DNAAF3: variants seen among roughly 807,000 people sequenced by gnomAD.
DNAAF3 encodes dynein axonemal assembly factor 3.
Under a neutral mutation model 50.9 loss-of-function variants are expected in DNAAF3, and 40 were observed. The observed-to-expected ratio is 0.79, with a 90% CI of 0.61 to 1.02. The LOEUF (loss-of-function observed/expected upper bound fraction) is 1.02. DNAAF3 is among the 50% of genes least tolerant of loss of function. The pLI, the probability that DNAAF3 is intolerant of heterozygous loss-of-function variation, is 0.00. For missense variants in DNAAF3, 763 were observed against 744.7 expected, an observed-to-expected ratio of 1.02 and a Z score of -0.29; for synonymous variants, 327 against 322.8, an observed-to-expected ratio of 1.01 and a Z score of -0.14.
chr19:55,161,958 C>T lies in DNAAF3; in HGVS notation c.481-133G>A. ...CGTTTCTCGGATGGAAAAACTGAGGCTCCGAAAGCAGAAGCCACCTCCTGC... is the reference window on the plus strand; with the variant it reads ...CGTTTCTCGGATGGAAAAACTGAGGTTCCGAAAGCAGAAGCCACCTCCTGC... On this transcript the variant is annotated intron_variant, in intron 5 of 11. Coordinates refer to ENST00000524407, the MANE Select transcript of DNAAF3 (RefSeq NM_001256715.2). The surrounding 1 kb of genome is among the most constrained non-coding windows in gnomAD (Gnocchi z 6.4). The T allele has an allele frequency of 7.4e-7, 1 of 1,360,438 alleles. No homozygotes were observed. Among genetic ancestry groups the T allele is most frequent in the South Asian group, 1.7e-5 (1 of 59,998 alleles). The allele number at this position is 1,360,438 out of a possible 1,614,324, so 84.3% of individuals were successfully genotyped here.
intron 4 of DNAAF3, among the ~76,000 whole-genome samples, chr19:55,164,976 T>C (rs1358501633): frequency 6.6e-6 from 1 of 151,270 alleles, no homozygotes; most frequent in East Asian, 1.9e-4. Context: ...GGTACCACAC[T>C]GGAAAATACC....
rs1455195220 is a variant in DNAAF3 at position 55,160,899 on chromosome 19, G to T, written c.913-124C>A. The T allele has an allele frequency of 2.7e-6, 4 of 1,463,912 alleles. No homozygotes were observed. In the African/African-American group the frequency reaches 5.7e-5, roughly 21 times the overall value. 90.7% of individuals were successfully genotyped at this position (1,463,912 alleles called of 1,614,324 possible). ...CTGCTTGGAGGATGTGAAGTGGGGC[G>T]GGACCTATCCCGCGGGGATGGGGCC... On this transcript the variant is annotated intron_variant, in intron 8 of 11. Transcript: ENST00000524407. This position sits in a 1 kb window ranked among gnomAD's most constrained non-coding sequence, Gnocchi z 4.7.
rs527736613 is a variant in DNAAF3 at position 55,164,388 on chromosome 19, A to G, written c.322+982T>C. 2.0e-5 allele frequency among the ~76,000 whole-genome samples: 3 copies of G among 152,304 alleles called. No individual in the cohort carries two copies. In the South Asian group the frequency reaches 6.2e-4, roughly 32 times the overall value. Reference sequence around the variant, plus strand: ...TCCCAGCTACTTGGGAGACTGAGGCAGGAGAATTGCTTGAATCCAGGAGGC... The same window carrying G: ...TCCCAGCTACTTGGGAGACTGAGGCGGGAGAATTGCTTGAATCCAGGAGGC... On this transcript the variant is annotated intron_variant, in intron 4 of 11. Transcript: ENST00000524407.
At position 55,161,931 on chromosome 19, in the gene DNAAF3, C is replaced by T; in HGVS notation, c.481-106G>A. ...CATCCCAGAACAGGGGAACGATTCC[C>T]CCGTTTCTCGGATGGAAAAACTGAG... On this transcript the variant is annotated intron_variant, in intron 5 of 11. Coordinates refer to ENST00000524407, the MANE Select transcript of DNAAF3 (RefSeq NM_001256715.2). This position sits in a 1 kb window ranked among gnomAD's most constrained non-coding sequence, Gnocchi z 6.4. 1.5e-6 allele frequency: 2 copies of T among 1,352,490 alleles called. No individual in the cohort carries two copies. The highest frequency in any genetic ancestry group is 1.9e-6 in the Non-Finnish European group (2 of 1,053,192). The allele number at this position is 1,352,490 out of a possible 1,614,324, so 83.8% of individuals were successfully genotyped here.
Position 55,159,611 on chromosome 19 carries a change from C to T in DNAAF3, c.1164-4G>A. 1 of 1,612,558 alleles carries T rather than the reference C, an allele frequency of 6.2e-7. No individual in the cohort carries two copies. Among genetic ancestry groups the T allele is most frequent in the Non-Finnish European group, 8.5e-7 (1 of 1,179,386 alleles). On this transcript the variant is annotated splice_polypyrimidine_tract_variant and splice_region_variant and intron_variant, in intron 10 of 11. Coordinates refer to ENST00000524407, the MANE Select transcript of DNAAF3 (RefSeq NM_001256715.2). ...AGGGATGAGAAGATGGACCATACTGCAGAGAGGACGGAGGACAGGCTGAGA... is the reference window on the plus strand; with the variant it reads ...AGGGATGAGAAGATGGACCATACTGTAGAGAGGACGGAGGACAGGCTGAGA...
At position 55,161,175 on chromosome 19, in the gene DNAAF3, C is replaced by T. The variant is rs1187676815; in HGVS notation, c.802G>A (p.Val268Met). The change falls in exon 8 of 12, where the codon GTG (valine) becomes ATG (methionine). Residue 268 changes from valine to methionine, a missense_variant. Val to Met is a conservative substitution (Grantham distance 21, BLOSUM62 1). Transcript: ENST00000524407. The surrounding 1 kb of genome is among the most constrained non-coding windows in gnomAD (Gnocchi z 6.4). ...TCCCCCCAGTACCCGCGCGCTGCCA[C>T]GCGCTCCCCACGCTGGAAAAGGAGG... ...GRLLSYRGER[V>M]AARGYWGDIA... 6.4e-7 allele frequency: 1 copy of T among 1,568,642 alleles called. No individual in the cohort carries two copies. The highest frequency in any genetic ancestry group is 1.7e-4 in the Middle Eastern group (1 of 5,780).
chr19:55,158,813 G>C lies in DNAAF3; in HGVS notation c.*249C>G. On this transcript the variant is annotated 3_prime_UTR_variant, in exon 12 of 12. Coordinates refer to ENST00000524407, the MANE Select transcript of DNAAF3 (RefSeq NM_001256715.2). Reference sequence around the variant, plus strand: ...GACTCAGTGTCAGATCCTAGGCTGGGCTTAGAGCCTCAGAAGTGGAATTTG... The same window carrying C: ...GACTCAGTGTCAGATCCTAGGCTGGCCTTAGAGCCTCAGAAGTGGAATTTG... 6.9e-6 allele frequency: 3 copies of C among 432,282 alleles called. No homozygotes were observed. Among genetic ancestry groups the C allele is most frequent in the Non-Finnish European group, 1.2e-5 (3 of 245,046 alleles). 26.8% of individuals were successfully genotyped at this position (432,282 alleles called of 1,614,324 possible). A position where few individuals can be genotyped will look rare whatever the true frequency, so the allele number is the denominator to read the frequency against.
In DNAAF3 at chr19:55,159,159, G is replaced by T; in HGVS notation, c.1529C>A (p.Pro510His). ...TGAGAGTGAACCTGGAGACTCAGAGGGCAGCTGGCAGGGCTCACAGTGTGG... is the reference window on the plus strand; with the variant it reads ...TGAGAGTGAACCTGGAGACTCAGAGTGCAGCTGGCAGGGCTCACAGTGTGG... Reference protein sequence around the residue: ...GTPHCEPCQLPSESPGSLSEV... With the variant: ...GTPHCEPCQLHSESPGSLSEV... The change falls in exon 12 of 12, where the codon CCC becomes CAC. Residue 510 changes from proline to histidine, a missense_variant. Physicochemically the swap from Pro to His is moderately conservative, Grantham distance 77. Coordinates refer to ENST00000524407, the MANE Select transcript of DNAAF3 (RefSeq NM_001256715.2). 1 of 1,613,818 alleles carries T rather than the reference G, an allele frequency of 6.2e-7. No individual in the cohort carries two copies. Among genetic ancestry groups the T allele is most frequent in the Non-Finnish European group, 8.5e-7 (1 of 1,180,038 alleles).
At chr19:55,162,691 TAA>T (rs2085859398) in intron 4 of DNAAF3, 1 of 986,886 alleles carries the variant, frequency 1.0e-6, no homozygotes, top group Non-Finnish European at 1.2e-6. Flanking sequence ...AACACAACAG[TAA>T]AAAATAATAC....
At chr19:55,159,811 G>A in intron 10 of DNAAF3, 88 bp downstream of exon 10, 2 of 1,386,784 alleles carry the variant, frequency 1.4e-6, no homozygotes, top group Non-Finnish European at 1.9e-6. Context: ...GCAAGGAGGG[G>A]CTGGGGGCCT....
chr19:55,160,706 T>G lies in DNAAF3; in HGVS notation c.982A>C (p.Arg328=). The change falls in exon 9 of 12, where the codon AGA becomes CGA. Residue 328 remains arginine, a synonymous_variant. Transcript: ENST00000524407. This position sits in a 1 kb window ranked among gnomAD's most constrained non-coding sequence, Gnocchi z 4.7. ...TCCTCCAGGTCCCCCCCGGTGGCTCTCGCGCGCCCCCAGGCGGCCACGTCG... is the reference window on the plus strand; with the variant it reads ...TCCTCCAGGTCCCCCCCGGTGGCTCGCGCGCGCCCCCAGGCGGCCACGTCG... ...LRDVAAWGRA[R]ATGGDLEEQQ... The G allele has an allele frequency of 6.2e-7, 1 of 1,613,510 alleles. No individual in the cohort carries two copies. The highest frequency in any genetic ancestry group is 1.3e-5 in the African/African-American group (1 of 75,038).
In DNAAF3 at chr19:55,166,291, G is replaced by C. The variant is rs1451746595; in HGVS notation, c.85+38C>G. The C allele has an allele frequency of 6.2e-7, 1 of 1,605,608 alleles. No homozygotes were observed. Among genetic ancestry groups the C allele is most frequent in the Middle Eastern group, 1.7e-4 (1 of 5,964 alleles). On this transcript the variant is annotated intron_variant, in intron 2 of 11. Transcript: ENST00000524407. The surrounding 1 kb of genome is among the most constrained non-coding windows in gnomAD (Gnocchi z 4.0). ...AAAGGCCGTCTGCTCAGGCTGGGAA[G>C]GCAGACGGTGTATCAGACCTTGCGT...
Position 55,159,188 on chromosome 19 carries a change from C to T in DNAAF3, c.1500G>A (p.Gly500=). 2 of 1,613,890 alleles carry T rather than the reference C, an allele frequency of 1.2e-6. No homozygotes were observed. The change falls in exon 12 of 12, where the codon GGG becomes GGA. Residue 500 remains glycine (G), a synonymous_variant. Coordinates refer to ENST00000524407, the MANE Select transcript of DNAAF3 (RefSeq NM_001256715.2). The part of the protein sequence containing the change: ...LEGLTQPLQG[G]TPHCEPCQLP... Reference sequence around the variant, plus strand: ...GCTGGCAGGGCTCACAGTGTGGGGTCCCACCCTGCAGAGGCTGGGTCAGGC... The same window carrying T: ...GCTGGCAGGGCTCACAGTGTGGGGTTCCACCCTGCAGAGGCTGGGTCAGGC...
chr19:55,165,457 C>T lies in DNAAF3; in HGVS notation c.235G>A (p.Val79Met). 6.2e-7 allele frequency: 1 copy of T among 1,614,052 alleles called. No homozygotes were observed. The highest frequency in any genetic ancestry group is 8.5e-7 in the Non-Finnish European group (1 of 1,180,020). The change falls in exon 4 of 12, where the codon GTG becomes ATG. Residue 79 changes from valine to methionine, a missense_variant. Transcript: ENST00000524407. ...ACAGCTTCCAGATTATTCTCCAGCA[C>T]AAAGAACTAGAAGGATGGACAGGGC... ...FWPRRRFNFF[V>M]LENNLEAVAR...
Position 55,162,277 on chromosome 19 carries a change from G to A in DNAAF3, c.336C>T (p.Thr112=), listed in dbSNP as rs1291650257. Residue 112 remains threonine, a synonymous_variant, in exon 5 of 12, where the codon ACC becomes ACT. Coordinates refer to ENST00000524407, the MANE Select transcript of DNAAF3 (RefSeq NM_001256715.2). ...GCGCGTTCCCCCACACTTCCAGGAA[G>A]GTCTCGCTTCGCTCTACGGAGAGAG... is the stretch of plus-strand genomic sequence containing the variant. ...EKMGLQERSE[T]FLEVWGNALL... 8.0e-7 allele frequency: 1 copy of A among 1,250,690 alleles called. No homozygotes were observed. The highest frequency in any genetic ancestry group is 1.0e-6 in the Non-Finnish European group (1 of 989,138). The allele number at this position is 1,250,690 out of a possible 1,614,324, so 77.5% of individuals were successfully genotyped here. A position where few individuals can be genotyped will look rare whatever the true frequency, so the allele number is the denominator to read the frequency against.
intron 4 of DNAAF3, among the ~76,000 whole-genome samples, chr19:55,163,012 T>C (rs796227196): frequency 0.069 from 7,733 of 112,414 alleles, 601 homozygotes; most frequent in Admixed American, 0.23. Context: ...TTTTTTTTTT[T>C]TTTTTTTTTT....
At chr19:55,164,770 A>C (rs1005806316) in intron 4 of DNAAF3, among the ~76,000 whole-genome samples, 4 of 151,892 alleles carry the variant, frequency 2.6e-5, no homozygotes, top group Admixed American at 2.6e-4. Flanking sequence ...TGATCTGCCC[A>C]CCTCAGCCTC....
chr19:55,160,007 G>A lies in DNAAF3; in HGVS notation c.1055C>T (p.Pro352Leu), dbSNP rs201462060. 19 of 1,594,878 alleles carry A rather than the reference G, an allele frequency of 1.2e-5. No individual in the cohort carries two copies. Among genetic ancestry groups the A allele is most frequent in the Admixed American group, 6.7e-5 (4 of 59,988 alleles). The change falls in exon 10 of 12, where the codon CCG becomes CTG. Residue 352 changes from proline to leucine, a missense_variant. Pro to Leu is a moderately conservative substitution (Grantham distance 98). Transcript: ENST00000524407. The surrounding 1 kb of genome is among the most constrained non-coding windows in gnomAD (Gnocchi z 4.7). ...GSPEPGTPAA[P>L]TPESFTVHFL... ...GTGGACGGTGAAAGATTCCGGGGTC[G>A]GGGCTGCTGGGGGAAGGGGATAGAG...
At chr19:55,163,843 T>G (rs2085888375) in intron 4 of DNAAF3, among the ~76,000 whole-genome samples, 1 of 152,226 alleles carries the variant, frequency 6.6e-6, no homozygotes, top group Non-Finnish European at 1.5e-5. Context: ...TACTGTGCAA[T>G]GTACTCTGAA....
Sources: allele counts gnomAD v4.1 joint callset (sites outside exome capture counted in the v4.1 genomes callset), GRCh38; gene constraint gnomAD v4.1.1; non-coding constraint Gnocchi (gnomAD v3.1); transcripts MANE v1.5; gene names NCBI Gene and HGNC (gene_info 2026-07-23, HGNC 2026-07-21).